The following RORA variants were observed in gnomAD, a reference collection of about 807,000 sequenced individuals.
RORA encodes RAR related orphan receptor A.
In RORA, 7 loss-of-function variants were observed where a neutral mutation model predicts 69.5. The observed-to-expected ratio is 0.10, with a 90% confidence interval of 0.06 to 0.19. The LOEUF is 0.19. Among genes scored for constraint, RORA ranks in the 10% least tolerant of loss-of-function variants. RORA has a pLI of 1.00. For missense variants in RORA, 457 were observed against 663.0 expected (o/e 0.69, Z 3.41); for synonymous variants, 261 against 240.8 (o/e 1.08, Z -0.78).
In RORA at chr15:60,511,582, C is replaced by G; in HGVS notation, c.464G>C (p.Ser155Thr). The change falls in exon 5 of 11, where the codon AGC becomes ACC. Residue 155 changes from serine (S) to threonine (T), a missense_variant. Physicochemically the swap from Ser to Thr is moderately conservative, Grantham distance 58. Around this residue, in one of 3 missense-constraint regions of RORA, gnomAD observed 34 missense variants for 123.2 expected, o/e 0.28. Coordinates refer to ENST00000335670, the MANE Select transcript of RORA (RefSeq NM_134261.3). The surrounding 1 kb of genome is among the most constrained non-coding windows in gnomAD (Gnocchi z 6.4). ...FGRMSKKQRD[S>T]LYAEVQKHRM... ...GTGTTTCTGTACTTCTGCATACAAG[C>G]TGTCTCTCTGCTTTTTTGACATTCG... 6.2e-7 allele frequency: 1 copy of G among 1,611,616 alleles called. No homozygotes were observed. Among genetic ancestry groups the G allele is most frequent in the Non-Finnish European group, 8.5e-7 (1 of 1,178,434 alleles).
At chr15:60,673,682 G>A (rs1333003626) in intron 2 of RORA, among the ~76,000 whole-genome samples, 1 of 152,086 alleles carries the variant, frequency 6.6e-6, no homozygotes, top group East Asian at 1.9e-4. Flanking sequence ...TATGGAACTG[G>A]TACACCTGGC....
At chr15:61,228,567 C>T (rs994224471) in intron 1 of RORA, among the ~76,000 whole-genome samples, 1 of 147,688 alleles carries the variant, frequency 6.8e-6, no homozygotes, top group Admixed American at 6.7e-5. Context: ...CGAAAACACA[C>T]CCCCGACTCG....
At chr15:60,568,471 C>T (rs762296147) in intron 2 of RORA, among the ~76,000 whole-genome samples, 2 of 152,188 alleles carry the variant, frequency 1.3e-5, no homozygotes, top group African/African-American at 2.4e-5. Flanking sequence ...AAGACCCAAA[C>T]CTCCCTGTTT....
At chr15:60,930,802 G>A (rs1229530329) in intron 1 of RORA, among the ~76,000 whole-genome samples, 1 of 152,154 alleles carries the variant, frequency 6.6e-6, no homozygotes, top group Non-Finnish European at 1.5e-5. Flanking sequence ...TAGACTTTGA[G>A]GTCCGTGAGC....
intron 1 of RORA, among the ~76,000 whole-genome samples, chr15:60,896,878 C>T (rs186011495): frequency 6.6e-6 from 1 of 152,164 alleles, no homozygotes. Context: ...AGCTCTATCA[C>T]TTTATCTAAG....
chr15:61,063,936 C>T (rs2078221491), intron 1 of RORA, among the ~76,000 whole-genome samples: 1 of 152,156 alleles, frequency 6.6e-6, no homozygotes, highest in Non-Finnish European at 1.5e-5. Context: ...TGCTGAACTG[C>T]CTTCCGTCTG....
chr15:60,838,320 G>A (rs1033344148), intron 1 of RORA, among the ~76,000 whole-genome samples: 1 of 152,292 alleles, frequency 6.6e-6, no homozygotes, highest in African/African-American at 2.4e-5. Context: ...TGACCACATA[G>A]CACCAAACAT....
At chr15:61,115,324 T>C (rs17303453) in intron 1 of RORA, among the ~76,000 whole-genome samples, 10,658 of 152,046 alleles carry the variant, frequency 0.07, 654 homozygotes, top group East Asian at 0.25. Flanking sequence ...GAGCACCATT[T>C]AAAATGAAAA....
intron 1 of RORA, among the ~76,000 whole-genome samples, chr15:60,933,029 A>C (rs901203940): frequency 6.6e-6 from 1 of 152,094 alleles, no homozygotes; most frequent in Non-Finnish European, 1.5e-5. Flanking sequence ...ACAGTCATGA[A>C]CTTGCAGACA....
chr15:60,840,362 A>C (rs925892426), intron 1 of RORA, among the ~76,000 whole-genome samples: 4 of 152,220 alleles, frequency 2.6e-5, no homozygotes, highest in Non-Finnish European at 5.9e-5. Flanking sequence ...AGAGCTCAAC[A>C]TGGGGCCAGG....
chr15:61,088,848 A>G (rs574140699), intron 1 of RORA, among the ~76,000 whole-genome samples: 22 of 152,356 alleles, frequency 1.4e-4, no homozygotes, highest in African/African-American at 5.3e-4. Flanking sequence ...GCCATTTAAA[A>G]GAGGAACTGA....
intron 1 of RORA, among the ~76,000 whole-genome samples, chr15:60,822,324 T>C (rs577430211): frequency 3.9e-5 from 6 of 152,166 alleles, no homozygotes; most frequent in Non-Finnish European, 7.3e-5. Context: ...GAACTGGAAA[T>C]GAACCTGGCT....
chr15:60,509,671 C>T (rs2065629193), intron 5 of RORA, among the ~76,000 whole-genome samples: 1 of 152,050 alleles, frequency 6.6e-6, no homozygotes. Flanking sequence ...TTCATGGTAT[C>T]ATGTCAGCTT....
chr15:61,069,511 C>T (rs1233083794), intron 1 of RORA, among the ~76,000 whole-genome samples: 3 of 151,998 alleles, frequency 2.0e-5, no homozygotes, highest in Admixed American at 6.5e-5. Flanking sequence ...GAGGAAGGGG[C>T]GAGTGGAAAC....
rs578015549 is a variant in RORA, at chr15:60,650,662, C to G, written c.196+27995G>C. 27 of 152,268 alleles carry G rather than the reference C, an allele frequency of 1.8e-4. No individual in the cohort carries two copies. In the East Asian group the frequency reaches 3.3e-3, roughly 19 times the overall value. The allele number at this position is 152,268 out of a possible 1,614,324, so 9.4% of individuals were successfully genotyped here. ...GAGAAGAGAGCACCAATTTGCGGAG[C>G]CCTCGTGAAGGTTTCCACTCAGGAG... is the stretch of plus-strand genomic sequence containing the variant. On this transcript the variant is annotated intron_variant, in intron 2 of 10. Coordinates refer to ENST00000335670, the MANE Select transcript of RORA (RefSeq NM_134261.3).
chr15:60,646,612 C>T (rs548493312), intron 2 of RORA, among the ~76,000 whole-genome samples: 16 of 152,360 alleles, frequency 1.1e-4, no homozygotes, highest in East Asian at 1.9e-4. Context: ...CACTGTCCCC[C>T]AATACTTTTG....
chr15:60,592,190 C>T (rs928852545), intron 2 of RORA, among the ~76,000 whole-genome samples: 3 of 151,956 alleles, frequency 2.0e-5, no homozygotes, highest in African/African-American at 7.2e-5. Context: ...GCCCCCCAAT[C>T]GGAGGCAGGC....
chr15:60,732,358 G>A (rs2071440344), intron 1 of RORA, among the ~76,000 whole-genome samples: 1 of 152,166 alleles, frequency 6.6e-6, no homozygotes, highest in African/African-American at 2.4e-5. Context: ...AGATTCCTGA[G>A]AGGCAGCAAA....
At chr15:60,545,017 C>T (rs910991950) in intron 2 of RORA, 1 of 152,132 alleles carries the variant, frequency 6.6e-6, no homozygotes, top group African/African-American at 2.4e-5. Context: ...TGTTGGGGAA[C>T]CAAGCCCAGT....
Sources: allele counts gnomAD v4.1 joint callset (sites outside exome capture counted in the v4.1 genomes callset), GRCh38; gene constraint gnomAD v4.1.1; regional missense constraint gnomAD v4.1.1; non-coding constraint Gnocchi (gnomAD v3.1); transcripts MANE v1.5; gene names NCBI Gene and HGNC (gene_info 2026-07-23, HGNC 2026-07-21).